The following PCSK2 variants were observed in gnomAD, a reference collection of about 807,000 sequenced individuals.
PCSK2 encodes proprotein convertase subtilisin/kexin type 2, also known as neuroendocrine convertase 2.
A neutral mutation model predicts 69.7 loss-of-function variants in PCSK2; 14 were observed. The ratio of observed to expected loss-of-function variants is 0.20; its 90% CI spans 0.13 to 0.31. The LOEUF is 0.31. Among genes scored for constraint, PCSK2 ranks in the 10% least tolerant of loss-of-function variants. The pLI is 1.00. For missense variants in PCSK2, 544 were observed against 842.5 expected, an observed-to-expected ratio of 0.65 and a Z score of 4.39; for synonymous variants, 307 against 320.7, an observed-to-expected ratio of 0.96 and a Z score of 0.46.
intron 8 of PCSK2, among the ~76,000 whole-genome samples, chr20:17,445,686 C>T (rs190532716): frequency 3.9e-5 from 6 of 152,324 alleles, no homozygotes; most frequent in African/African-American, 1.2e-4. Context: ...TACACCATGG[C>T]GGCGAGTGCC....
chr20:17,275,207 G>T (rs1988022687), intron 2 of PCSK2, among the ~76,000 whole-genome samples: 1 of 151,522 alleles, frequency 6.6e-6, no homozygotes, highest in African/African-American at 2.4e-5. Context: ...CATTTGAAAA[G>T]ATCTAAAAGA....
Position 17,362,739 on chromosome 20 carries a change from G to A in PCSK2, c.505+2099G>A, listed in dbSNP as rs561042710. On this transcript the variant is annotated intron_variant, in intron 4 of 11. Transcript: ENST00000262545. ...CTTATGTTGGATGAATGGTCCCAGG[G>A]CCAATCCAGATTCAAGTGGAAAGGA... 5.3e-5 allele frequency among the ~76,000 whole-genome samples: 8 copies of A among 152,346 alleles called. No individual in the cohort carries two copies. In the East Asian group the frequency reaches 1.5e-3, roughly 29 times the overall value.
At chr20:17,234,411 A>G (rs1486213738) in intron 1 of PCSK2, among the ~76,000 whole-genome samples, 2 of 152,186 alleles carry the variant, frequency 1.3e-5, no homozygotes, top group African/African-American at 2.4e-5. Context: ...TCTCAGGTTG[A>G]AGGTGCTGGA....
intron 1 of PCSK2, among the ~76,000 whole-genome samples, chr20:17,241,320 G>A (rs963760190): frequency 1.3e-5 from 2 of 152,164 alleles, no homozygotes; most frequent in African/African-American, 4.8e-5. Flanking sequence ...CAAGAGACTG[G>A]GAGATGAGGC....
At chr20:17,387,417 A>G (rs1347627022) in intron 5 of PCSK2, among the ~76,000 whole-genome samples, 1 of 152,202 alleles carries the variant, frequency 6.6e-6, no homozygotes, top group Non-Finnish European at 1.5e-5. Context: ...TGCAGTCAGC[A>G]TGTTGGCCAT....
At chr20:17,480,199 T>C (rs1881188963) in intron 11 of PCSK2, among the ~76,000 whole-genome samples, 1 of 111,928 alleles carries the variant, frequency 8.9e-6, no homozygotes, top group South Asian at 3.1e-4. Flanking sequence ...TTTTTTTTTT[T>C]TTTTTTTTGA....
At chr20:17,283,569 C>A (rs79295933) in intron 2 of PCSK2, among the ~76,000 whole-genome samples, 2,041 of 152,278 alleles carry the variant, frequency 0.013, 44 homozygotes, top group African/African-American at 0.046. Flanking sequence ...TAAGTACCTA[C>A]GAATCATGTG....
At chr20:17,297,407 G>A (rs1447428562) in intron 2 of PCSK2, among the ~76,000 whole-genome samples, 1 of 152,196 alleles carries the variant, frequency 6.6e-6, no homozygotes, top group Non-Finnish European at 1.5e-5. Context: ...AGTTGCCTGG[G>A]CAGAGAGAGC....
intron 2 of PCSK2, among the ~76,000 whole-genome samples, chr20:17,275,179 G>C (rs1198804426): frequency 6.6e-6 from 1 of 150,668 alleles, no homozygotes; most frequent in Non-Finnish European, 1.5e-5. Context: ...AAATTTATTC[G>C]AGTTTAAGAA....
intron 5 of PCSK2, among the ~76,000 whole-genome samples, chr20:17,400,544 A>T (rs1043002505): frequency 1.3e-5 from 2 of 152,196 alleles, no homozygotes; most frequent in Admixed American, 1.3e-4. Flanking sequence ...CGCACTCCAT[A>T]TGTGCTACCT....
intron 2 of PCSK2, among the ~76,000 whole-genome samples, chr20:17,313,392 C>T (rs892206604): frequency 2.6e-5 from 4 of 152,042 alleles, no homozygotes; most frequent in Non-Finnish European, 5.9e-5. Flanking sequence ...CCTCCCACTC[C>T]TGCTGCTCCT....
In PCSK2 at chr20:17,438,272, T is replaced by C. The variant is rs575007264; in HGVS notation, c.885+1389T>C. Among the ~76,000 whole-genome samples, 26 of 152,380 alleles carry C rather than the reference T, an allele frequency of 1.7e-4. 2 individuals are homozygous for C. The East Asian group carries it at 5.0e-3, about 29-fold the overall frequency. ...CTGCTCCACATACACATTTAAGTTA[T>C]GTACAGTCTGTTTATGGAAAATGCA... On this transcript the variant is annotated intron_variant, in intron 8 of 11. Transcript: ENST00000262545.
At chr20:17,302,670 A>G (rs985263592) in intron 2 of PCSK2, among the ~76,000 whole-genome samples, 1 of 152,190 alleles carries the variant, frequency 6.6e-6, no homozygotes, top group African/African-American at 2.4e-5. Context: ...GCCCTGTTTC[A>G]ACTCCTGAAT....
chr20:17,270,622 G>A (rs1987824411), intron 2 of PCSK2, among the ~76,000 whole-genome samples: 1 of 152,106 alleles, frequency 6.6e-6, no homozygotes, highest in African/African-American at 2.4e-5. Context: ...AGACAAAATA[G>A]TTTTCCATTC....
intron 2 of PCSK2, among the ~76,000 whole-genome samples, chr20:17,338,060 C>T (rs1170564812): frequency 6.6e-6 from 1 of 151,666 alleles, no homozygotes; most frequent in African/African-American, 2.4e-5. Flanking sequence ...TCAGGCAGGC[C>T]CTGGAACTTG....
At chr20:17,456,927 T>C (rs2032933927) in intron 10 of PCSK2, among the ~76,000 whole-genome samples, 1 of 152,194 alleles carries the variant, frequency 6.6e-6, no homozygotes, top group Admixed American at 6.5e-5. Context: ...TTTTTAACAC[T>C]GAAACAAGAT....
Position 17,257,671 on chromosome 20 carries a change from G to A in PCSK2, c.178-2569G>A, listed in dbSNP as rs117538362. Among the ~76,000 whole-genome samples, 19 of 152,094 alleles carry A rather than the reference G, an allele frequency of 1.2e-4. No individual in the cohort carries two copies. The East Asian group carries it at 3.1e-3, about 25-fold the overall frequency. On this transcript the variant is annotated intron_variant, in intron 1 of 11. Transcript: ENST00000262545. The stretch of plus-strand genomic sequence containing the variant: ...GCTAAGGGGCTCTGTTGTGTATATC[G>A]GGACATATCCTCAATTCTCAAGCAG...
At chr20:17,337,928 C>CA (rs3076245) in intron 2 of PCSK2, among the ~76,000 whole-genome samples, 71,960 of 129,730 alleles carry the variant, frequency 0.55, 20,371 homozygotes, top group East Asian at 0.78. Flanking sequence ...AAACCCATCT[C>CA]AAAAAAAAAA....
At chr20:17,262,546 C>T (rs1007680766) in intron 2 of PCSK2, among the ~76,000 whole-genome samples, 1 of 151,864 alleles carries the variant, frequency 6.6e-6, no homozygotes, top group Admixed American at 6.6e-5. Flanking sequence ...ATGATGTTCT[C>T]GTGGTTGTCT....
Sources: gnomAD v4.1 joint callset for allele counts (sites outside exome capture counted in the v4.1 genomes callset) on GRCh38, gnomAD v4.1.1 for gene constraint, MANE v1.5 for transcripts, NCBI Gene and HGNC (gene_info 2026-07-23, HGNC 2026-07-21) for gene names.